Variants in NRP2 observed in about 807,000 individuals in gnomAD.
NRP2 encodes neuropilin-2.
Under a neutral mutation model 110.4 loss-of-function variants are expected in NRP2, and 52 were observed. The observed-to-expected ratio is 0.47, with a 90% CI of 0.38 to 0.59. The LOEUF is 0.59. Ranked by LOEUF, NRP2 falls within the 20% of genes least tolerant of loss-of-function variation. NRP2 has a pLI of 0.00. For missense variants in NRP2, 1,049 were observed against 1,203.0 expected, an observed-to-expected ratio of 0.87 and a Z score of 1.89; for synonymous variants, 508 against 468.9, an observed-to-expected ratio of 1.08 and a Z score of -1.08.
rs142764011 is a variant in NRP2, at chr2:205,725,989, C to T, written c.897C>T (p.Tyr299=). 2 of 1,614,050 alleles carry T rather than the reference C, an allele frequency of 1.2e-6. No individual in the cohort carries two copies. Among genetic ancestry groups the T allele is most frequent in the African/African-American group, 2.7e-5 (2 of 74,924 alleles). Residue 299 remains tyrosine (Y), a synonymous_variant, in exon 6 of 17, where the codon TAC becomes TAT. Transcript: ENST00000357785. The surrounding 1 kb of genome is among the most constrained non-coding windows in gnomAD (Gnocchi z 4.1). Reference sequence around the variant, plus strand: ...AACAGATCAGTGCCTCATCTACCTACTCTGATGGGAGGTGGACCCCTCAAC... The same window carrying T: ...AACAGATCAGTGCCTCATCTACCTATTCTGATGGGAGGTGGACCCCTCAAC... ...ANEQISASST[Y]SDGRWTPQQS...
chr2:205,771,145 G>A (rs905964153), intron 15 of NRP2, among the ~76,000 whole-genome samples: 1 of 152,186 alleles, frequency 6.6e-6, no homozygotes, highest in Non-Finnish European at 1.5e-5. Context: ...GAATTCGGAG[G>A]CATTTAAAAA....
intron 7 of NRP2, among the ~76,000 whole-genome samples, chr2:205,737,027 T>G (rs1183739505): frequency 6.6e-6 from 1 of 152,238 alleles, no homozygotes; most frequent in Non-Finnish European, 1.5e-5. Context: ...CTGCTTAATA[T>G]TTCATTAAAA....
At chr2:205,685,674 G>A (rs1244007862) in intron 1 of NRP2, 1 of 152,654 alleles carries the variant, frequency 6.6e-6, no homozygotes, top group Admixed American at 6.5e-5. Context: ...GCAGCCGCTA[G>A]CCTGCCTCCC....
At chr2:205,735,547 T>C (rs1207844078) in intron 7 of NRP2, among the ~76,000 whole-genome samples, 2 of 103,828 alleles carry the variant, frequency 1.9e-5, no homozygotes, top group Non-Finnish European at 4.2e-5. Context: ...ATATATTACA[T>C]TGAATTATAT....
chr2:205,699,674 CAAGGGGAAGAAG>C (rs541913205), intron 2 of NRP2, among the ~76,000 whole-genome samples: 3 of 152,306 alleles, frequency 2.0e-5, no homozygotes, highest in Admixed American at 2.0e-4. Context: ...GAGACTCTGA[CAAGGGGAAGAAG>C]AAGGCATTGC....
At chr2:205,704,080 GC>G (rs1334275295) in intron 2 of NRP2, among the ~76,000 whole-genome samples, 3 of 152,104 alleles carry the variant, frequency 2.0e-5, no homozygotes, top group Non-Finnish European at 4.4e-5. Context: ...CCTATGTCCA[GC>G]GACCTCCCCC....
At chr2:205,714,088 A>G (rs2056848401) in intron 2 of NRP2, among the ~76,000 whole-genome samples, 2 of 152,230 alleles carry the variant, frequency 1.3e-5, no homozygotes, top group South Asian at 4.1e-4. Context: ...ACAACAAATC[A>G]CAGTTCACAT....
chr2:205,771,268 G>A (rs190683389), intron 15 of NRP2, among the ~76,000 whole-genome samples: 2 of 152,344 alleles, frequency 1.3e-5, no homozygotes, highest in African/African-American at 4.8e-5. Flanking sequence ...GTTTCTCAGG[G>A]ATGCCTTTGT....
chr2:205,707,253 G>A (rs1312894653), intron 2 of NRP2, among the ~76,000 whole-genome samples: 2 of 152,266 alleles, frequency 1.3e-5, no homozygotes, highest in African/African-American at 4.8e-5. Flanking sequence ...TGATGCTTCA[G>A]AATGCAGCTG....
intron 3 of NRP2, among the ~76,000 whole-genome samples, chr2:205,716,678 CA>C (rs1329153511): frequency 6.6e-6 from 1 of 152,072 alleles, no homozygotes; most frequent in Non-Finnish European, 1.5e-5. Context: ...TTTTTAAAAT[CA>C]AAATAATCTT....
At chr2:205,708,808 A>G (rs1027296548) in intron 2 of NRP2, among the ~76,000 whole-genome samples, 1 of 152,308 alleles carries the variant, frequency 6.6e-6, no homozygotes, top group East Asian at 1.9e-4. Context: ...GATTGTGGAT[A>G]AGAAGCTCAA....
intron 15 of NRP2, among the ~76,000 whole-genome samples, chr2:205,790,901 T>A (rs1240044453): frequency 1.3e-5 from 2 of 152,248 alleles, no homozygotes; most frequent in East Asian, 3.8e-4. Flanking sequence ...TATGGAGGAT[T>A]AGTGCCATGT....
intron 10 of NRP2, among the ~76,000 whole-genome samples, chr2:205,746,445 C>T (rs1447428672): frequency 2.6e-5 from 4 of 152,238 alleles, no homozygotes; most frequent in East Asian, 1.9e-4. Flanking sequence ...GAACACCTCT[C>T]ATCATTCCAA....
intron 1 of NRP2, among the ~76,000 whole-genome samples, chr2:205,687,410 G>A (rs1204141778): frequency 7.1e-6 from 1 of 141,546 alleles, no homozygotes; most frequent in Non-Finnish European, 1.5e-5. Flanking sequence ...TTGGTCTCAT[G>A]CCCACATTAA....
At chr2:205,689,669 AT>A (rs574925340) in intron 1 of NRP2, among the ~76,000 whole-genome samples, 1 of 151,878 alleles carries the variant, frequency 6.6e-6, no homozygotes, top group Non-Finnish European at 1.5e-5. Flanking sequence ...TCTCCCTTGC[AT>A]TTTTTCCCTC....
rs372894457 is a variant in NRP2 at position 205,695,494 on chromosome 2, G to C, written c.74-2050G>C. On this transcript the variant is annotated intron_variant, in intron 1 of 16. Transcript: ENST00000357785. ...TTGGAGAGAAGTAGAGGAAGGGATGGGGAAAGGAGGGAGAGAGTGTGGGTA... is the reference window on the plus strand; with the variant it reads ...TTGGAGAGAAGTAGAGGAAGGGATGCGGAAAGGAGGGAGAGAGTGTGGGTA... 1.4e-4 allele frequency among the ~76,000 whole-genome samples: 22 copies of C among 152,242 alleles called. No homozygotes were observed. The East Asian group carries it at 3.1e-3, about 21-fold the overall frequency.
chr2:205,770,326 G>A (rs1429532262), intron 15 of NRP2, among the ~76,000 whole-genome samples: 2 of 152,188 alleles, frequency 1.3e-5, no homozygotes, highest in Non-Finnish European at 2.9e-5. Flanking sequence ...GACAAAACCA[G>A]GAGAAAGTGC....
chr2:205,767,251 T>C lies in NRP2; in HGVS notation c.2425+448T>C, dbSNP rs1330326873. The C allele has an allele frequency of 2.5e-5, 8 of 314,176 alleles. No homozygotes were observed. In the East Asian group the frequency reaches 7.5e-4, roughly 30 times the overall value. The allele number at this position is 314,176 out of a possible 1,614,324, so 19.5% of individuals were successfully genotyped here. On this transcript the variant is annotated intron_variant, in intron 15 of 16. Coordinates refer to ENST00000357785, the MANE Select transcript of NRP2 (RefSeq NM_003872.3). ...CAGTTCCAGGGTACCAAGGCAGCGG[T>C]TTCAGTTAACCACAGAGCCGAGGGG...
intron 2 of NRP2, among the ~76,000 whole-genome samples, chr2:205,714,351 T>C (rs1209874381): frequency 6.6e-6 from 1 of 152,194 alleles, no homozygotes; most frequent in Non-Finnish European, 1.5e-5. Context: ...GGGCCATGCA[T>C]TTCTTAGTCC....
Sources: allele counts gnomAD v4.1 joint callset (sites outside exome capture counted in the v4.1 genomes callset), GRCh38; gene constraint gnomAD v4.1.1; non-coding constraint Gnocchi (gnomAD v3.1); transcripts MANE v1.5; gene names NCBI Gene and HGNC (gene_info 2026-07-23, HGNC 2026-07-21).